The following DYM variants were observed in gnomAD, a reference collection of about 807,000 sequenced individuals.
The protein encoded by DYM is dymeclin, also known as dyggve-Melchior-Clausen syndrome protein.
A neutral mutation model predicts 93.1 loss-of-function variants in DYM; 78 were observed. That is an observed-to-expected ratio of 0.84 (90% CI 0.70 to 1.01). The LOEUF (loss-of-function observed/expected upper bound fraction) is 1.01, where lower values mean the gene tolerates loss of function less well. Among genes scored for constraint, DYM ranks in the 50% least tolerant of loss-of-function variants. The probability of loss-of-function intolerance (pLI) is 0.00; values close to 1 mark genes in which losing one functional copy is unlikely to be tolerated. For synonymous variants in DYM, 321 were observed against 319.7 expected, an observed-to-expected ratio of 1.00 and a Z score of -0.04; for missense variants, 789 against 845.0, an observed-to-expected ratio of 0.93 and a Z score of 0.82.
rs544233976 is a variant in DYM, at chr18:49,314,415, T to C, written c.763+17449A>G. Among the ~76,000 whole-genome samples, 38 of 152,334 alleles carry C rather than the reference T, an allele frequency of 2.5e-4. No individual in the cohort carries two copies. The South Asian group carries it at 7.7e-3, about 31-fold the overall frequency. ...TCAAGCCTGAGACCATTACAAAGAA[T>C]GCTGCTAGGAATGTTTCTATATGGG... On this transcript the variant is annotated intron_variant, in intron 8 of 17. Coordinates refer to ENST00000675505, the MANE Select transcript of DYM (RefSeq NM_001353214.3).
intron 13 of DYM, among the ~76,000 whole-genome samples, chr18:49,228,685 T>C (rs891742481): frequency 1.6e-4 from 25 of 152,164 alleles, no homozygotes; most frequent in Admixed American, 1.2e-3. Context: ...TACCAACCTC[T>C]AGAACTAGGG....
intron 14 of DYM, among the ~76,000 whole-genome samples, chr18:49,174,119 G>A (rs568041336): frequency 6.6e-6 from 1 of 152,160 alleles, no homozygotes; most frequent in African/African-American, 2.4e-5. Flanking sequence ...TGATCATATA[G>A]TTTTCTTTTT....
chr18:49,236,821 G>A (rs1018751335), intron 13 of DYM, among the ~76,000 whole-genome samples: 12 of 152,194 alleles, frequency 7.9e-5, no homozygotes, highest in Admixed American at 2.6e-4. Flanking sequence ...GCGAGAGTCA[G>A]ATTAGTCCAA....
At chr18:49,237,841 T>A (rs984435452) in intron 13 of DYM, among the ~76,000 whole-genome samples, 1 of 152,104 alleles carries the variant, frequency 6.6e-6, no homozygotes, top group Non-Finnish European at 1.5e-5. Context: ...CTACATGTAT[T>A]ATTTCATATC....
At chr18:49,405,012 CA>C (rs199975015) in intron 2 of DYM, among the ~76,000 whole-genome samples, 1,948 of 102,122 alleles carry the variant, frequency 0.019, 32 homozygotes, top group African/African-American at 0.074. Flanking sequence ...GACTCCATCT[CA>C]AAAAAAAAAA....
At chr18:49,198,219 C>T (rs1475443812) in intron 14 of DYM, among the ~76,000 whole-genome samples, 2 of 152,152 alleles carry the variant, frequency 1.3e-5, no homozygotes, top group African/African-American at 2.4e-5. Context: ...ACACCTTATA[C>T]AAAAATTAAT....
intron 17 of DYM, among the ~76,000 whole-genome samples, chr18:49,047,481 G>A (rs1185984657): frequency 2.0e-5 from 3 of 152,190 alleles, no homozygotes; most frequent in Non-Finnish European, 2.9e-5. Flanking sequence ...TTGCTGACAC[G>A]AGTCAGAGTT....
chr18:49,416,656 C>G (rs565257975), intron 2 of DYM, among the ~76,000 whole-genome samples: 1 of 152,302 alleles, frequency 6.6e-6, no homozygotes, highest in Non-Finnish European at 1.5e-5. Flanking sequence ...AATAGAAATT[C>G]AGACCTTCAG....
At chr18:49,405,190 A>T (rs1317967278) in intron 2 of DYM, among the ~76,000 whole-genome samples, 2 of 152,100 alleles carry the variant, frequency 1.3e-5, no homozygotes, top group African/African-American at 2.4e-5. Flanking sequence ...CCCATTCTGT[A>T]GGTTGTCTGT....
At chr18:49,046,431 TACAAA>T (rs2071567518) in intron 17 of DYM, among the ~76,000 whole-genome samples, 1 of 138,108 alleles carries the variant, frequency 7.2e-6, no homozygotes, top group Admixed American at 7.2e-5. Context: ...ACACAATACA[TACAAA>T]ACAGATACCC....
At chr18:49,202,784 C>T (rs866299664) in intron 14 of DYM, among the ~76,000 whole-genome samples, 1 of 37,720 alleles carries the variant, frequency 2.7e-5, no homozygotes, top group South Asian at 1.6e-3. Context: ...AAGTGAGGAG[C>T]CCCTCCGCCC....
At chr18:49,327,195 T>G (rs2062960694) in intron 8 of DYM, among the ~76,000 whole-genome samples, 1 of 152,134 alleles carries the variant, frequency 6.6e-6, no homozygotes, top group Non-Finnish European at 1.5e-5. Context: ...TTTTGGGGAC[T>G]TTTCTATATG....
At chr18:49,391,786 A>G (rs1434547292) in intron 2 of DYM, 141 bp from the exon 3 acceptor site, 10 of 452,858 alleles carry the variant, frequency 2.2e-5, no homozygotes, top group African/African-American at 1.7e-4. Context: ...TAAGATCAGC[A>G]AAAAAAAAAG....
At chr18:49,250,445 C>T (rs149611681) in intron 13 of DYM, among the ~76,000 whole-genome samples, 2 of 152,284 alleles carry the variant, frequency 1.3e-5, no homozygotes, top group African/African-American at 4.8e-5. Context: ...TTCTCCTTTC[C>T]TGGGTCTTTC....
intron 5 of DYM, among the ~76,000 whole-genome samples, chr18:49,368,905 A>G (rs763631886): frequency 2.6e-5 from 4 of 152,230 alleles, no homozygotes; most frequent in Non-Finnish European, 5.9e-5. Context: ...CCTATCTTGT[A>G]TCACTTTTTT....
rs922444280 is a variant in DYM, at chr18:49,370,294, A to C, written c.422-7061T>G. Among the ~76,000 whole-genome samples the C allele has an allele frequency of 7.4e-5, 11 of 149,216 alleles. 1 individual carries two copies. Among genetic ancestry groups the C allele is most frequent in the South Asian group, 6.4e-4 (3 of 4,710 alleles). The stretch of plus-strand genomic sequence containing the variant: ...ACTCCATCTCAGAAAAAAAAAAAAA[A>C]AAAAACAAAACAGGACTAACTCCCT... On this transcript the variant is annotated intron_variant, in intron 5 of 17. Coordinates refer to ENST00000675505, the MANE Select transcript of DYM (RefSeq NM_001353214.3).
chr18:49,192,244 C>G (rs1305349106), intron 14 of DYM, among the ~76,000 whole-genome samples: 1 of 151,868 alleles, frequency 6.6e-6, no homozygotes, highest in Non-Finnish European at 1.5e-5. Context: ...TTTAATCACT[C>G]TGTACATCAG....
intron 11 of DYM, among the ~76,000 whole-genome samples, chr18:49,266,120 T>C (rs2094566692): frequency 6.6e-6 from 1 of 151,366 alleles, no homozygotes; most frequent in Non-Finnish European, 1.5e-5. Context: ...TTTTACAAAA[T>C]TAAATAATTA....
intron 14 of DYM, among the ~76,000 whole-genome samples, chr18:49,194,163 C>A (rs1399471869): frequency 6.6e-6 from 1 of 152,214 alleles, no homozygotes; most frequent in South Asian, 2.1e-4. Flanking sequence ...TGCAAGTCTG[C>A]ATGTCTGAAT....
Sources: allele counts gnomAD v4.1 joint callset (sites outside exome capture counted in the v4.1 genomes callset), GRCh38; gene constraint gnomAD v4.1.1; transcripts MANE v1.5; gene names NCBI Gene and HGNC (gene_info 2026-07-23, HGNC 2026-07-21).